The following ADCY1 variants were observed in gnomAD, a reference collection of about 807,000 sequenced individuals.
ADCY1 encodes the protein adenylate cyclase 1.
In ADCY1, 28 loss-of-function variants were observed where a neutral mutation model predicts 105.4. The ratio of observed to expected loss-of-function variants is 0.27; its 90% CI spans 0.20 to 0.36. The LOEUF is 0.36. ADCY1 is among the 10% of genes least tolerant of loss of function. ADCY1 has a pLI of 1.00. For synonymous variants in ADCY1, 655 were observed against 623.8 expected, an observed-to-expected ratio of 1.05 and a Z score of -0.75; for missense variants, 977 against 1,434.2, an observed-to-expected ratio of 0.68 and a Z score of 5.15.
chr7:45,620,503 G>T (rs1434104641), intron 3 of ADCY1, among the ~76,000 whole-genome samples: 3 of 152,058 alleles, frequency 2.0e-5, no homozygotes, highest in African/African-American at 7.2e-5. Flanking sequence ...AGAAAAAGGG[G>T]CAGAAAGAAT....
chr7:45,600,629 T>G (rs987741569), intron 2 of ADCY1, among the ~76,000 whole-genome samples: 2 of 152,208 alleles, frequency 1.3e-5, no homozygotes, highest in African/African-American at 4.8e-5. Context: ...GTGGTCAGCT[T>G]AGGCTGTGTA....
intron 3 of ADCY1, among the ~76,000 whole-genome samples, chr7:45,620,194 C>T (rs542447725): frequency 2.8e-4 from 42 of 151,762 alleles, no homozygotes; most frequent in South Asian, 2.1e-3. Context: ...TTAAAATAGT[C>T]GAAATCATAG....
At chr7:45,644,276 A>C (rs1794601292) in intron 4 of ADCY1, among the ~76,000 whole-genome samples, 1 of 152,176 alleles carries the variant, frequency 6.6e-6, no homozygotes, top group Non-Finnish European at 1.5e-5. Context: ...TGGAATTGGC[A>C]GTGGATCTTC....
At chr7:45,616,765 T>C (rs1445241659) in intron 3 of ADCY1, among the ~76,000 whole-genome samples, 1 of 152,148 alleles carries the variant, frequency 6.6e-6, no homozygotes, top group South Asian at 2.1e-4. Context: ...AAGACAATGA[T>C]ATCCACCCTC....
intron 8 of ADCY1, chr7:45,664,284 T>G (rs1271189616): frequency 1.3e-6 from 2 of 1,536,112 alleles, no homozygotes; most frequent in Non-Finnish European, 1.7e-6. Context: ...ATGCCTCTCC[T>G]GTAGGTTCAG....
chr7:45,654,258 C>G (rs978606162), intron 5 of ADCY1, among the ~76,000 whole-genome samples: 1 of 152,218 alleles, frequency 6.6e-6, no homozygotes, highest in Middle Eastern at 3.2e-3. Flanking sequence ...AGGTGATAGG[C>G]AAACCGTGAA....
rs372673390 is a variant in ADCY1, at chr7:45,714,494, A to G, written c.*499A>G. ...GGCTCCAGCCCTGGGCAGCGGCTTC[A>G]AGAGCCAGAGTGGGAAGTCAGGCCT... On this transcript the variant is annotated 3_prime_UTR_variant, in exon 20 of 20. Transcript: ENST00000297323. 3.0e-3 allele frequency: 497 copies of G among 163,580 alleles called. 7 individuals carry two copies. Among genetic ancestry groups the G allele is most frequent in the African/African-American group, 0.011 (477 of 41,784 alleles). The allele number at this position is 163,580 out of a possible 1,614,324, so 10.1% of individuals were successfully genotyped here. A position where few individuals can be genotyped will look rare whatever the true frequency, so the allele number is the denominator to read the frequency against.
intron 3 of ADCY1, among the ~76,000 whole-genome samples, chr7:45,615,146 A>C (rs187567053): frequency 1.3e-5 from 2 of 152,388 alleles, no homozygotes; most frequent in Non-Finnish European, 2.9e-5. Flanking sequence ...AAGTCCTTAC[A>C]ATTTCAAGAA....
In ADCY1 at chr7:45,708,419, G is replaced by A; in HGVS notation, c.2887G>A (p.Asp963Asn). ...DFAIEMFDVLDEINYQSYNDF... is the reference protein window; with the variant it reads ...DFAIEMFDVLNEINYQSYNDF... ...TGCCATTGAGATGTTTGACGTTCTG[G>A]ATGAAATCAACTACCAGTCTTACAA... Residue 963 changes from aspartate (D) to asparagine (N), a missense_variant, in exon 18 of 20, where the codon GAT (aspartate) becomes AAT (asparagine). Physicochemically the swap from Asp to Asn is conservative, Grantham distance 23. Coordinates refer to ENST00000297323, the MANE Select transcript of ADCY1 (RefSeq NM_021116.4). This position sits in a 1 kb window ranked among gnomAD's most constrained non-coding sequence, Gnocchi z 4.7. 1 of 1,614,194 alleles carries A rather than the reference G, an allele frequency of 6.2e-7. No individual in the cohort carries two copies. Among genetic ancestry groups the A allele is most frequent in the Non-Finnish European group, 8.5e-7 (1 of 1,180,038 alleles).
intron 19 of ADCY1, among the ~76,000 whole-genome samples, chr7:45,711,758 CAT>C (rs1035007116): frequency 7.2e-6 from 1 of 138,756 alleles, no homozygotes; most frequent in African/African-American, 2.7e-5. Context: ...TGTGTATATA[CAT>C]ATATGTGTAT....
intron 2 of ADCY1, among the ~76,000 whole-genome samples, chr7:45,603,376 C>T (rs1383694904): frequency 1.3e-5 from 2 of 152,212 alleles, no homozygotes; most frequent in Non-Finnish European, 2.9e-5. Flanking sequence ...TTTTAAGGAG[C>T]TGCTAGACTG....
intron 14 of ADCY1, among the ~76,000 whole-genome samples, chr7:45,693,717 A>C (rs1312532588): frequency 6.7e-6 from 1 of 150,356 alleles, no homozygotes; most frequent in Non-Finnish European, 1.5e-5. Flanking sequence ...AACCAACCCA[A>C]ATGTCCAACA....
At chr7:45,657,979 T>C in intron 6 of ADCY1, 94 bp downstream of exon 6, 1 of 1,378,484 alleles carries the variant, frequency 7.3e-7, no homozygotes, top group Non-Finnish European at 9.8e-7. Flanking sequence ...GCTGTGCTCT[T>C]GAGGGCACTT....
chr7:45,652,647 C>A (rs1385104970), intron 5 of ADCY1, among the ~76,000 whole-genome samples: 2 of 152,202 alleles, frequency 1.3e-5, no homozygotes, highest in Non-Finnish European at 2.9e-5. Flanking sequence ...CTTTTTCATG[C>A]AGATCGGTCA....
At chr7:45,581,461 G>A (rs1792541505) in intron 1 of ADCY1, among the ~76,000 whole-genome samples, 1 of 152,236 alleles carries the variant, frequency 6.6e-6, no homozygotes, top group Non-Finnish European at 1.5e-5. Context: ...TCTGACAACT[G>A]TACTAAACAC....
intron 17 of ADCY1, among the ~76,000 whole-genome samples, chr7:45,707,770 C>G (rs1448183332): frequency 1.3e-5 from 2 of 152,168 alleles, no homozygotes; most frequent in Non-Finnish European, 2.9e-5. Flanking sequence ...GGATATATGA[C>G]AATTCTGTAT....
At chr7:45,629,766 G>T (rs535121849) in intron 4 of ADCY1, among the ~76,000 whole-genome samples, 1 of 152,038 alleles carries the variant, frequency 6.6e-6, no homozygotes, top group Non-Finnish European at 1.5e-5. Flanking sequence ...TGATCCACCC[G>T]CCTCGGCCTC....
intron 14 of ADCY1, among the ~76,000 whole-genome samples, chr7:45,697,121 A>G (rs370710873): frequency 1.3e-5 from 2 of 152,262 alleles, no homozygotes; most frequent in East Asian, 3.9e-4. Context: ...AGCTTGATCA[A>G]TTTCCAGCAG....
chr7:45,668,524 GGTTTGCCA>G (rs1369247295), intron 8 of ADCY1, among the ~76,000 whole-genome samples: 9 of 152,124 alleles, frequency 5.9e-5, no homozygotes, highest in African/African-American at 2.2e-4. Context: ...TGCTGGATTC[GGTTTGCCA>G]GTATTTTACT....
Sources: allele counts gnomAD v4.1 joint callset (sites outside exome capture counted in the v4.1 genomes callset), GRCh38; gene constraint gnomAD v4.1.1; non-coding constraint Gnocchi (gnomAD v3.1); transcripts MANE v1.5; gene names NCBI Gene and HGNC (gene_info 2026-07-23, HGNC 2026-07-21).